TAFA2: variants seen among roughly 807,000 people sequenced by gnomAD.
TAFA2 encodes TAFA chemokine like family member 2.
TAFA2 carries 7 observed loss-of-function variants against 18.8 expected under a neutral mutation model. The observed-to-expected ratio is 0.37, with a 90% CI of 0.21 to 0.70. TAFA2 has a LOEUF of 0.70. Among genes scored for constraint, TAFA2 ranks in the 30% least tolerant of loss-of-function variants. The probability of loss-of-function intolerance (pLI) is 0.53; values close to 1 mark genes in which losing one functional copy is unlikely to be tolerated. For synonymous variants in TAFA2, 60 were observed against 54.2 expected, an observed-to-expected ratio of 1.11 and a Z score of -0.47; for missense variants, 122 against 158.1, an observed-to-expected ratio of 0.77 and a Z score of 1.23.
chr12:61,925,325 C>T (rs1328612114), intron 1 of TAFA2, among the ~76,000 whole-genome samples: 1 of 152,132 alleles, frequency 6.6e-6, no homozygotes, highest in Non-Finnish European at 1.5e-5. Context: ...AAATTGACCA[C>T]ATGATTGGAA....
At chr12:61,820,128 A>G (rs1872257369) in intron 2 of TAFA2, among the ~76,000 whole-genome samples, 1 of 152,108 alleles carries the variant, frequency 6.6e-6, no homozygotes, top group Admixed American at 6.5e-5. Flanking sequence ...CCACCCCAAC[A>G]GTTACCAATA....
chr12:62,251,240 G>A (rs559832375), intron 1 of TAFA2, among the ~76,000 whole-genome samples: 1 of 152,298 alleles, frequency 6.6e-6, no homozygotes, highest in African/African-American at 2.4e-5. Flanking sequence ...CAATACTATG[G>A]AATACAGAAC....
At position 61,765,796 on chromosome 12, in the gene TAFA2, T is replaced by C. The variant is rs186262213; in HGVS notation, c.107-10772A>G. 2.0e-3 allele frequency among the ~76,000 whole-genome samples: 297 copies of C among 152,220 alleles called. 2 individuals are homozygous for C. Among genetic ancestry groups the C allele is most frequent in the African/African-American group, 6.7e-3 (277 of 41,564 alleles). ...AATGCAGATATCTAAGAGATAATCA[T>C]AGATTTTTTTAGAGACTTAAAAATA... On this transcript the variant is annotated intron_variant, in intron 2 of 4. Coordinates refer to ENST00000416284, the MANE Select transcript of TAFA2 (RefSeq NM_178539.5).
At chr12:61,711,482 T>A (rs1869405898) in intron 4 of TAFA2, among the ~76,000 whole-genome samples, 1 of 152,124 alleles carries the variant, frequency 6.6e-6, no homozygotes, top group Non-Finnish European at 1.5e-5. Flanking sequence ...AAAATTATTG[T>A]CAAAATTTTG....
chr12:62,219,572 G>T (rs1391879488), intron 1 of TAFA2, among the ~76,000 whole-genome samples: 2 of 152,066 alleles, frequency 1.3e-5, no homozygotes, highest in Admixed American at 6.5e-5. Flanking sequence ...TTGAAATTGG[G>T]TGTTTGTTAT....
intron 2 of TAFA2, among the ~76,000 whole-genome samples, chr12:61,802,568 G>T (rs186832601): frequency 6.6e-6 from 1 of 152,100 alleles, no homozygotes; most frequent in East Asian, 1.9e-4. Context: ...GGGCATAGAA[G>T]TGGAGAGTAG....
chr12:62,174,905 T>C (rs1003989381), intron 1 of TAFA2, among the ~76,000 whole-genome samples: 8 of 152,200 alleles, frequency 5.3e-5, no homozygotes, highest in African/African-American at 1.9e-4. Flanking sequence ...TGTGTATATG[T>C]CAATACATAC....
intron 2 of TAFA2, among the ~76,000 whole-genome samples, chr12:61,798,277 T>G (rs575447462): frequency 3.1e-4 from 47 of 152,186 alleles, no homozygotes; most frequent in African/African-American, 4.6e-4. Context: ...GGTCTTTTTT[T>G]TGTGTGTATG....
At position 61,839,100 on chromosome 12, in the gene TAFA2, T is replaced by C. The variant is rs1873064016; in HGVS notation, c.106+28220A>G. Among the ~76,000 whole-genome samples the C allele has an allele frequency of 2.0e-5, 3 of 152,230 alleles. No individual in the cohort carries two copies. The South Asian group carries it at 6.2e-4, about 32-fold the overall frequency. On this transcript the variant is annotated intron_variant, in intron 2 of 4. Transcript: ENST00000416284. Reference sequence around the variant, plus strand: ...AGATATTAAAACTTGGCTATGCCTCTGGGACACTAAAGCAGACAATTTTTT... The same window carrying C: ...AGATATTAAAACTTGGCTATGCCTCCGGGACACTAAAGCAGACAATTTTTT...
At position 61,754,888 on chromosome 12, in the gene TAFA2, A is replaced by G. The variant is rs1042291166; in HGVS notation, c.243T>C (p.Ala81=). ...PGQVAGTTRA[A]PSCVDASIVE... ...AAGTCACACCATCCACACATGATGGAGCAGCTCGCGTGGTGCCTGCCACCT... is the reference window on the plus strand; with the variant it reads ...AAGTCACACCATCCACACATGATGGGGCAGCTCGCGTGGTGCCTGCCACCT... Residue 81 remains alanine (A), a synonymous_variant, in exon 3 of 5, where the codon GCT becomes GCC. Transcript: ENST00000416284. 20 of 1,612,600 alleles carry G rather than the reference A, an allele frequency of 1.2e-5. No individual in the cohort carries two copies. The African/African-American group carries it at 2.5e-4, about 20-fold the overall frequency.
rs564983351 is a variant in TAFA2, at chr12:61,825,888, C to T, written c.106+41432G>A. ...GGGAAAATTAATGGAATAAAAAAGACCTCCTATCCCTATTTAAGTCATTGG... is the reference window on the plus strand; with the variant it reads ...GGGAAAATTAATGGAATAAAAAAGATCTCCTATCCCTATTTAAGTCATTGG... On this transcript the variant is annotated intron_variant, in intron 2 of 4. Transcript: ENST00000416284. 7.2e-5 allele frequency among the ~76,000 whole-genome samples: 11 copies of T among 152,060 alleles called. No homozygotes were observed. The South Asian group carries it at 2.1e-3, about 29-fold the overall frequency.
At chr12:62,033,907 C>T (rs1375866263) in intron 1 of TAFA2, among the ~76,000 whole-genome samples, 1 of 152,050 alleles carries the variant, frequency 6.6e-6, no homozygotes, top group Non-Finnish European at 1.5e-5. Context: ...AAAATGAATA[C>T]AAAGTTTGTA....
intron 1 of TAFA2, among the ~76,000 whole-genome samples, chr12:62,102,407 C>G (rs1311486557): frequency 3.3e-5 from 5 of 152,142 alleles, no homozygotes; most frequent in African/African-American, 9.7e-5. Flanking sequence ...AATTAAACAT[C>G]AACATTTATT....
chr12:62,024,474 G>A (rs2136735254), intron 1 of TAFA2, among the ~76,000 whole-genome samples: 1 of 152,190 alleles, frequency 6.6e-6, no homozygotes, highest in South Asian at 2.1e-4. Context: ...TGTCCCATAT[G>A]AGAAACCATT....
Position 61,891,879 on chromosome 12 carries a change from C to T in TAFA2, c.-1-24453G>A, listed in dbSNP as rs911841637. 7.9e-5 allele frequency among the ~76,000 whole-genome samples: 12 copies of T among 152,122 alleles called. No homozygotes were observed. In the South Asian group the frequency reaches 1.7e-3, roughly 21 times the overall value. On this transcript the variant is annotated intron_variant, in intron 1 of 4. Transcript: ENST00000416284. ...AAAGAACTGGGATTTATTCAAAGTG[C>T]AGTAGGAAGCCACTGGAAAGTGAAA...
At chr12:61,758,161 A>G (rs1869365439) in intron 2 of TAFA2, among the ~76,000 whole-genome samples, 1 of 152,070 alleles carries the variant, frequency 6.6e-6, no homozygotes, top group Non-Finnish European at 1.5e-5. Context: ...AAAAAAATAA[A>G]AGCATTATTG....
At chr12:62,093,955 T>A (rs1266636429) in intron 1 of TAFA2, among the ~76,000 whole-genome samples, 1 of 152,028 alleles carries the variant, frequency 6.6e-6, no homozygotes, top group Non-Finnish European at 1.5e-5. Flanking sequence ...AGGAGGAGAT[T>A]TAAGTATGTA....
chr12:61,815,555 C>T lies in TAFA2; in HGVS notation c.106+51765G>A, dbSNP rs556862088. ...GTGGGCACCTGTAGTCTCAGCTACTCGGGAGGCTGAGGCGGGAGAATGGCG... is the reference window on the plus strand; with the variant it reads ...GTGGGCACCTGTAGTCTCAGCTACTTGGGAGGCTGAGGCGGGAGAATGGCG... On this transcript the variant is annotated intron_variant, in intron 2 of 4. Coordinates refer to ENST00000416284, the MANE Select transcript of TAFA2 (RefSeq NM_178539.5). 4.7e-5 allele frequency among the ~76,000 whole-genome samples: 7 copies of T among 150,528 alleles called. 1 individual carries two copies. Among genetic ancestry groups the T allele is most frequent in the East Asian group, 2.0e-4 (1 of 5,126 alleles).
intron 1 of TAFA2, 28 bp downstream of exon 1, chr12:62,191,231 G>C (rs2062622176): frequency 1.3e-5 from 2 of 152,126 alleles, no homozygotes; most frequent in Non-Finnish European, 2.9e-5. Context: ...AGCGCTGGCC[G>C]GCGACCCGAG....
Sources: allele counts gnomAD v4.1 joint callset (sites outside exome capture counted in the v4.1 genomes callset), GRCh38; gene constraint gnomAD v4.1.1; transcripts MANE v1.5; gene names NCBI Gene and HGNC (gene_info 2026-07-23, HGNC 2026-07-21).